The following PRKG1 variants were observed in gnomAD, a reference collection of about 807,000 sequenced individuals.
The protein encoded by PRKG1 is cGMP-dependent protein kinase 1.
Under a neutral mutation model 88.1 loss-of-function variants are expected in PRKG1, and 35 were observed. The ratio of observed to expected loss-of-function variants is 0.40; its 90% CI spans 0.30 to 0.53. The LOEUF (loss-of-function observed/expected upper bound fraction) is 0.53. Among genes scored for constraint, PRKG1 ranks in the 20% least tolerant of loss-of-function variants. PRKG1 has a pLI of 0.59. For synonymous variants in PRKG1, 303 were observed against 292.5 expected (o/e 1.04, Z -0.37); for missense variants, 540 against 839.8 (o/e 0.64, Z 4.41).
intron 2 of PRKG1, among the ~76,000 whole-genome samples, chr10:51,362,489 T>C (rs185844703): frequency 6.6e-6 from 1 of 151,886 alleles, no homozygotes; most frequent in Non-Finnish European, 1.5e-5. Flanking sequence ...AATATATTGT[T>C]GATTAAGGAA....
intron 3 of PRKG1, among the ~76,000 whole-genome samples, chr10:51,774,764 G>A (rs1271346127): frequency 6.6e-6 from 1 of 152,074 alleles, no homozygotes; most frequent in African/African-American, 2.4e-5. Flanking sequence ...GTTTAAAGAA[G>A]TACTTTCATG....
At chr10:51,800,057 A>G (rs1839125479) in intron 3 of PRKG1, among the ~76,000 whole-genome samples, 1 of 152,116 alleles carries the variant, frequency 6.6e-6, no homozygotes. Flanking sequence ...AAATTATATT[A>G]AGATATCTGC....
intron 1 of PRKG1, among the ~76,000 whole-genome samples, chr10:51,018,613 G>T (rs2132731750): frequency 6.6e-6 from 1 of 152,228 alleles, no homozygotes. Flanking sequence ...GATTCTCAAG[G>T]TCAACATTCT....
At chr10:51,268,577 G>A (rs1839897096) in intron 2 of PRKG1, among the ~76,000 whole-genome samples, 2 of 152,082 alleles carry the variant, frequency 1.3e-5, no homozygotes, top group South Asian at 2.1e-4. Context: ...AGCAGTCAGA[G>A]TTTATAAGGT....
chr10:52,088,183 T>G (rs368111087), intron 7 of PRKG1, among the ~76,000 whole-genome samples: 238 of 152,206 alleles, frequency 1.6e-3, no homozygotes, highest in African/African-American at 5.6e-3. Flanking sequence ...TAGTATACAC[T>G]CAGTTCTTTG....
chr10:51,801,685 T>G (rs1022770030), intron 3 of PRKG1, among the ~76,000 whole-genome samples: 1 of 152,146 alleles, frequency 6.6e-6, no homozygotes, highest in Non-Finnish European at 1.5e-5. Flanking sequence ...AATCCAGATT[T>G]GTGGTCTCTT....
intron 5 of PRKG1, among the ~76,000 whole-genome samples, chr10:51,932,836 A>AC (rs1842722945): frequency 6.6e-6 from 1 of 152,146 alleles, no homozygotes; most frequent in Admixed American, 6.5e-5. Context: ...CAACAATGAT[A>AC]CTTCCTTTGT....
At chr10:51,839,082 A>C (rs189968463) in intron 4 of PRKG1, among the ~76,000 whole-genome samples, 1 of 152,220 alleles carries the variant, frequency 6.6e-6, no homozygotes, top group African/African-American at 2.4e-5. Flanking sequence ...TGTGTCAGAA[A>C]TGTAGAAACT....
At chr10:51,056,055 A>G (rs1430043990) in intron 1 of PRKG1, among the ~76,000 whole-genome samples, 1 of 152,208 alleles carries the variant, frequency 6.6e-6, no homozygotes, top group East Asian at 1.9e-4. Flanking sequence ...TTTAGCAAAG[A>G]TTATCAGGGG....
At chr10:52,107,292 A>C (rs1847449822) in intron 7 of PRKG1, among the ~76,000 whole-genome samples, 4 of 152,224 alleles carry the variant, frequency 2.6e-5, no homozygotes, top group Admixed American at 2.6e-4. Flanking sequence ...AAAGAAGTAC[A>C]TTTTAGACAA....
chr10:51,710,184 GCAGAA>G (rs138001544), intron 3 of PRKG1, among the ~76,000 whole-genome samples: 1 of 152,122 alleles, frequency 6.6e-6, no homozygotes, highest in East Asian at 1.9e-4. Context: ...TGAGTCTCTG[GCAGAA>G]CAGCTGTGCC....
At chr10:52,239,620 A>G (rs943949671) in intron 9 of PRKG1, among the ~76,000 whole-genome samples, 1 of 151,798 alleles carries the variant, frequency 6.6e-6, no homozygotes, top group African/African-American at 2.4e-5. Flanking sequence ...ACAATTAAAA[A>G]ATGGGGAAAA....
intron 3 of PRKG1, among the ~76,000 whole-genome samples, chr10:51,482,885 A>C (rs181562357): frequency 6.6e-6 from 1 of 152,288 alleles, no homozygotes; most frequent in East Asian, 1.9e-4. Context: ...TTCCAGATAA[A>C]ATATGTAATC....
At chr10:51,508,373 C>G (rs771034297) in intron 3 of PRKG1, among the ~76,000 whole-genome samples, 1 of 152,090 alleles carries the variant, frequency 6.6e-6, no homozygotes, top group Non-Finnish European at 1.5e-5. Flanking sequence ...AAAATAACTA[C>G]AGTTACTTAA....
At chr10:51,231,513 T>G (rs1194641290) in intron 2 of PRKG1, among the ~76,000 whole-genome samples, 1 of 152,164 alleles carries the variant, frequency 6.6e-6, no homozygotes, top group Non-Finnish European at 1.5e-5. Context: ...GGTCATTCCT[T>G]TGCTGCTTGA....
In PRKG1 at chr10:51,374,277, T is replaced by C. The variant is rs1464148567; in HGVS notation, c.479-93446T>C. ...ACCCCCGACAGGCCCCGGTGTGTTA[T>C]GTTCCCCTCCCTGTGCCCATGTGTT... On this transcript the variant is annotated intron_variant, in intron 2 of 17. Transcript: ENST00000373980. 2.0e-4 allele frequency among the ~76,000 whole-genome samples: 30 copies of C among 147,120 alleles called. 1 individual carries two copies. Among genetic ancestry groups the C allele is most frequent in the Non-Finnish European group, 4.4e-4 (29 of 66,582 alleles).
At chr10:51,386,065 T>C (rs1442217901) in intron 2 of PRKG1, among the ~76,000 whole-genome samples, 1 of 152,180 alleles carries the variant, frequency 6.6e-6, no homozygotes, top group East Asian at 1.9e-4. Context: ...AAAAGCAGTA[T>C]AGATGCCTTG....
At chr10:51,146,567 T>G (rs544742277) in intron 1 of PRKG1, among the ~76,000 whole-genome samples, 50 of 152,272 alleles carry the variant, frequency 3.3e-4, no homozygotes, top group African/African-American at 1.2e-3. Flanking sequence ...GAAGAAGCTT[T>G]TTATTTATTT....
chr10:52,050,502 A>G (rs1211409957), intron 5 of PRKG1, among the ~76,000 whole-genome samples: 1 of 152,192 alleles, frequency 6.6e-6, no homozygotes, highest in African/African-American at 2.4e-5. Context: ...GAGCCTCTTA[A>G]AGAATCAGCA....
Sources: gnomAD v4.1 joint callset for allele counts (sites outside exome capture counted in the v4.1 genomes callset) on GRCh38, gnomAD v4.1.1 for gene constraint, MANE v1.5 for transcripts, NCBI Gene and HGNC (gene_info 2026-07-23, HGNC 2026-07-21) for gene names.